CSMD3: variants seen among roughly 807,000 people sequenced by gnomAD.
CSMD3 encodes CUB and Sushi multiple domains 3.
A neutral mutation model predicts 435.2 loss-of-function variants in CSMD3; 177 were observed. That is an observed-to-expected ratio of 0.41 (90% CI 0.36 to 0.46). The LOEUF is 0.46. CSMD3 is among the 20% of genes least tolerant of loss of function. The probability of loss-of-function intolerance (pLI) is 0.34; values close to 1 mark genes in which losing one functional copy is unlikely to be tolerated. For missense variants in CSMD3, 4,265 were observed against 4,504.6 expected (o/e 0.95, Z 1.52); for synonymous variants, 1,656 against 1,520.5 (o/e 1.09, Z -2.07).
At chr8:113,112,792 T>C (rs553266216) in intron 4 of CSMD3, among the ~76,000 whole-genome samples, 1 of 152,214 alleles carries the variant, frequency 6.6e-6, no homozygotes, top group Non-Finnish European at 1.5e-5. Flanking sequence ...CCAGCTGGGA[T>C]TTTTTGTTTA....
At chr8:112,580,683 G>T (rs913064353) in intron 23 of CSMD3, among the ~76,000 whole-genome samples, 2 of 152,022 alleles carry the variant, frequency 1.3e-5, no homozygotes, top group African/African-American at 4.8e-5. Flanking sequence ...CAGAGAGCTG[G>T]TAGATGCAAA....
intron 1 of CSMD3, among the ~76,000 whole-genome samples, chr8:113,404,592 T>C (rs2094524338): frequency 6.6e-6 from 1 of 151,392 alleles, no homozygotes; most frequent in African/African-American, 2.4e-5. Context: ...AGTGAAACCC[T>C]GATATTGTCT....
At chr8:112,241,970 CT>C (rs1275392858) in intron 65 of CSMD3, among the ~76,000 whole-genome samples, 185 bp from the exon 66 acceptor site, 1 of 152,048 alleles carries the variant, frequency 6.6e-6, no homozygotes, top group Non-Finnish European at 1.5e-5. Context: ...CTACTCAGCA[CT>C]CGTTATGCAA....
At chr8:112,378,439 G>A (rs1335210891) in intron 38 of CSMD3, among the ~76,000 whole-genome samples, 1 of 152,104 alleles carries the variant, frequency 6.6e-6, no homozygotes, top group Non-Finnish European at 1.5e-5. Context: ...ATGGATGAAT[G>A]GATAAGGAAA....
At chr8:113,173,204 T>G (rs1048011601) in intron 4 of CSMD3, among the ~76,000 whole-genome samples, 4 of 152,172 alleles carry the variant, frequency 2.6e-5, no homozygotes, top group African/African-American at 9.7e-5. Context: ...CATATAGAGA[T>G]ATATAATTTA....
chr8:112,351,058 G>T, intron 40 of CSMD3, 117 bp downstream of exon 40: 1 of 616,722 alleles, frequency 1.6e-6, no homozygotes, highest in Non-Finnish European at 2.8e-6. Flanking sequence ...CTATATGTTT[G>T]AAAATCATGA....
chr8:113,230,323 T>C (rs1258315805), intron 3 of CSMD3, among the ~76,000 whole-genome samples: 5 of 151,634 alleles, frequency 3.3e-5, no homozygotes, highest in South Asian at 2.1e-4. Flanking sequence ...ATGGGATTGA[T>C]TGAAACACTA....
chr8:112,775,184 A>T (rs1431078375), intron 13 of CSMD3, among the ~76,000 whole-genome samples: 1 of 151,722 alleles, frequency 6.6e-6, no homozygotes, highest in African/African-American at 2.4e-5. Context: ...TAATATTATT[A>T]TATGATATAT....
chr8:112,637,146 C>A, intron 21 of CSMD3, 141 bp from the exon 22 acceptor site: 1 of 684,750 alleles, frequency 1.5e-6, no homozygotes, highest in East Asian at 2.7e-5. Context: ...GCTATCAGAA[C>A]GTACAAATGG....
At chr8:113,376,675 G>C (rs1412686560) in intron 1 of CSMD3, 2 of 1,595,614 alleles carry the variant, frequency 1.3e-6, no homozygotes, top group Admixed American at 3.3e-5. Context: ...CATCATGGGA[G>C]TTGACACCCG....
chr8:112,526,126 T>A, intron 27 of CSMD3, among the ~76,000 whole-genome samples: 1 of 151,578 alleles, frequency 6.6e-6, no homozygotes, highest in Admixed American at 6.6e-5. Flanking sequence ...AATTGCTATT[T>A]ACTTAAAATT....
At chr8:113,090,172 T>C (rs986356928) in intron 5 of CSMD3, among the ~76,000 whole-genome samples, 1 of 152,112 alleles carries the variant, frequency 6.6e-6, no homozygotes, top group African/African-American at 2.4e-5. Context: ...GGGGCTAAAA[T>C]ATTTGCCTGT....
At chr8:112,289,634 C>A in intron 56 of CSMD3, 96 bp from the exon 57 acceptor site, 1 of 809,166 alleles carries the variant, frequency 1.2e-6, no homozygotes, top group South Asian at 1.8e-5. Flanking sequence ...AGTAAATGTT[C>A]TGCTGAAACA....
At chr8:112,750,317 T>C (rs1419287924) in intron 13 of CSMD3, among the ~76,000 whole-genome samples, 1 of 151,480 alleles carries the variant, frequency 6.6e-6, no homozygotes, top group Non-Finnish European at 1.5e-5. Context: ...ATAAGTATAA[T>C]TCCATAATTA....
chr8:112,301,920 A>C lies in CSMD3; in HGVS notation c.8313T>G (p.Ile2771Met), dbSNP rs150085079. The C allele has an allele frequency of 3.1e-6, 5 of 1,612,860 alleles. No individual in the cohort carries two copies. The highest frequency in any genetic ancestry group is 4.2e-6 in the Non-Finnish European group (5 of 1,178,934). ...ELPTPPNGNK[I>M]GTQTSYGSTA... ...TTGAGCCATATGAAGTTTGAGTTCC[A>C]ATCTTATTTCCATTTGGAGGTGTAG... Residue 2771 changes from isoleucine to methionine, a missense_variant, in exon 53 of 71, where the codon ATT (isoleucine) becomes ATG (methionine). Coordinates refer to ENST00000297405, the MANE Select transcript of CSMD3 (RefSeq NM_198123.2).
intron 1 of CSMD3, among the ~76,000 whole-genome samples, chr8:113,360,605 G>A (rs1266077400): frequency 8.4e-6 from 1 of 118,670 alleles, no homozygotes; most frequent in Non-Finnish European, 1.6e-5. Context: ...ACGGAGTCTC[G>A]CTCTGTCGCC....
chr8:113,429,209 T>G (rs1197712482), intron 1 of CSMD3, among the ~76,000 whole-genome samples: 1 of 150,858 alleles, frequency 6.6e-6, no homozygotes, highest in Non-Finnish European at 1.5e-5. Flanking sequence ...AATGTATTAT[T>G]GTTTCTTATA....
intron 19 of CSMD3, among the ~76,000 whole-genome samples, chr8:112,645,859 G>C (rs1278810909): frequency 1.3e-5 from 2 of 152,160 alleles, no homozygotes; most frequent in Non-Finnish European, 2.9e-5. Context: ...ACAGCTATCA[G>C]TGCTTATGGT....
rs2131191456 is a variant in CSMD3 at position 112,550,936 on chromosome 8, G to A, written c.4362-63C>T. ...AGGATTCAACTTTAAAGAAAAAATAGAACAAATGTGCATTATGCCTTTTAC... is the reference window on the plus strand; with the variant it reads ...AGGATTCAACTTTAAAGAAAAAATAAAACAAATGTGCATTATGCCTTTTAC... On this transcript the variant is annotated intron_variant, in intron 26 of 70. Transcript: ENST00000297405. 3 of 1,203,262 alleles carry A rather than the reference G, an allele frequency of 2.5e-6. No homozygotes were observed. The South Asian group carries it at 3.7e-5, about 15-fold the overall frequency. The allele number at this position is 1,203,262 out of a possible 1,614,324, so 74.5% of individuals were successfully genotyped here.
Sources: gnomAD v4.1 joint callset for allele counts (sites outside exome capture counted in the v4.1 genomes callset) on GRCh38, gnomAD v4.1.1 for gene constraint, MANE v1.5 for transcripts, NCBI Gene and HGNC (gene_info 2026-07-23, HGNC 2026-07-21) for gene names.